ARL10: variants seen among roughly 807,000 people sequenced by gnomAD.
ARL10 encodes ADP-ribosylation factor-like protein 10.
ARL10 carries 23 observed loss-of-function variants against 26.1 expected under a neutral mutation model. The observed-to-expected ratio is 0.88, with a 90% CI of 0.63 to 1.25. The LOEUF is 1.25. Among genes scored for constraint, ARL10 ranks in the 50% most tolerant of loss-of-function variants. ARL10 has a pLI of 0.00. For missense variants in ARL10, 300 were observed against 323.6 expected (o/e 0.93, Z 0.56); for synonymous variants, 138 against 149.1 (o/e 0.93, Z 0.54).
chr5:176,396,555 G>A (rs757062644), intron 1 of ARL10: 2 of 1,596,762 alleles, frequency 1.3e-6, no homozygotes, highest in Admixed American at 3.4e-5. Context: ...GTTGAGGGAA[G>A]GGGTTAGGTG....
At chr5:176,412,963 G>A in the ARL10 span, among the ~76,000 whole-genome samples, 4 of 151,976 alleles carry the variant, frequency 2.6e-5, no homozygotes, top group Non-Finnish European at 4.4e-5. Context: ...ACCCTACTCC[G>A]CCCTGACCAA....
rs889665815 is a variant in ARL10, at chr5:176,379,933, C to T, written c.*8038C>T. On this transcript the variant is annotated 3_prime_UTR_variant, in exon 4 of 4. Transcript: ENST00000310389. ...AGATTAGAGAGTCCTGAATCATAAGCTCTTATGAGGATTCTCAATTTTCCA... is the reference window on the plus strand; with the variant it reads ...AGATTAGAGAGTCCTGAATCATAAGTTCTTATGAGGATTCTCAATTTTCCA... 6.6e-6 allele frequency: 1 copy of T among 152,158 alleles called. No homozygotes were observed. Among genetic ancestry groups the T allele is most frequent in the African/African-American group, 2.4e-5 (1 of 41,426 alleles). 9.4% of individuals were successfully genotyped at this position (152,158 alleles called of 1,614,324 possible).
intron 1 of ARL10, among the ~76,000 whole-genome samples, chr5:176,400,618 A>G (rs1435290630): frequency 3.3e-5 from 5 of 152,114 alleles, no homozygotes; most frequent in African/African-American, 9.7e-5. Context: ...CGCCCTCCGC[A>G]TTCCTGTCTG....
downstream of ARL10, among the ~76,000 whole-genome samples, chr5:176,390,913 G>C (rs1411895427): frequency 1.3e-5 from 2 of 152,186 alleles, no homozygotes; most frequent in East Asian, 3.9e-4. Flanking sequence ...TAGAAGAGAG[G>C]TGACCTGTTA....
chr5:176,376,184 A>T lies in ARL10; in HGVS notation c.*4289A>T, dbSNP rs1439211990. The T allele has an allele frequency of 6.6e-6, 1 of 152,108 alleles. No homozygotes were observed. Among genetic ancestry groups the T allele is most frequent in the Non-Finnish European group, 1.5e-5 (1 of 68,034 alleles). The allele number at this position is 152,108 out of a possible 1,614,324, so 9.4% of individuals were successfully genotyped here. A position where few individuals can be genotyped will look rare whatever the true frequency, so the allele number is the denominator to read the frequency against. ...AGACAATCCTGGCTAACACAGTGAA[A>T]CCCTGTCTCTACTATAAAATACAAA... On this transcript the variant is annotated 3_prime_UTR_variant, in exon 4 of 4. Transcript: ENST00000310389.
chr5:176,400,108 T>C (rs542715747), intron 1 of ARL10, among the ~76,000 whole-genome samples: 105 of 149,608 alleles, frequency 7.0e-4, no homozygotes, highest in Admixed American at 3.4e-3. Context: ...CAAGAATCAC[T>C]TGAATCCGGG....
chr5:176,367,320 T>G (rs971234818), intron 2 of ARL10, among the ~76,000 whole-genome samples: 1 of 152,124 alleles, frequency 6.6e-6, no homozygotes, highest in African/African-American at 2.4e-5. Context: ...TTCTAGTTTT[T>G]TTTTTTTGGA....
At chr5:176,404,606 G>A (rs72807219), downstream of ARL10, among the ~76,000 whole-genome samples, 577 of 152,296 alleles carry the variant, frequency 3.8e-3, 6 homozygotes, top group Non-Finnish European at 5.2e-3. Flanking sequence ...CCCCCACGGT[G>A]TCCTGCCCCA....
At chr5:176,414,069 G>T in the ARL10 span, among the ~76,000 whole-genome samples, 1 of 152,164 alleles carries the variant, frequency 6.6e-6, no homozygotes, top group Admixed American at 6.5e-5. Flanking sequence ...AGCTCCCTCA[G>T]GCATCTGGCT....
chr5:176,393,816 C>T lies in ARL10; in HGVS notation c.134-7925C>T, dbSNP rs1756365711. Among the ~76,000 whole-genome samples the T allele has an allele frequency of 1.3e-5, 2 of 152,192 alleles. No individual in the cohort carries two copies. The highest frequency in any genetic ancestry group is 2.4e-5 in the African/African-American group (1 of 41,446). On this transcript the variant is annotated intron_variant, in intron 1 of 1. Transcript: ENST00000514533. This position sits in a 1 kb window ranked among gnomAD's most constrained non-coding sequence, Gnocchi z 4.4. ...AATACAGTCTAGTGGACAAAATCTA[C>T]ACGTGGGACTCACTAACAGAAAGAC...
chr5:176,412,045 A>AGGG, the ARL10 span, among the ~76,000 whole-genome samples: 1 of 151,892 alleles, frequency 6.6e-6, no homozygotes, highest in Non-Finnish European at 1.5e-5. Context: ...GCGTGGTGGC[A>AGGG]GGCGCCTGTA....
chr5:176,404,415 C>T (rs1756996972), downstream of ARL10, among the ~76,000 whole-genome samples: 2 of 152,232 alleles, frequency 1.3e-5, no homozygotes, highest in Admixed American at 6.5e-5. Context: ...TTTGGGGCAG[C>T]GGAGCGGAGC....
intron 1 of ARL10, among the ~76,000 whole-genome samples, chr5:176,395,903 G>A (rs1208772189): frequency 6.6e-6 from 1 of 152,210 alleles, no homozygotes; most frequent in African/African-American, 2.4e-5. Context: ...GGGAGGCCGA[G>A]GTGGGTGGAT....
chr5:176,375,386 G>A lies in ARL10; in HGVS notation c.*3491G>A, dbSNP rs998049176. On this transcript the variant is annotated 3_prime_UTR_variant, in exon 4 of 4. Transcript: ENST00000310389. ...ATCCATCTGTGGCTTCTACCTGTGCGAATCTCTGTGCTACAAAATTCTTTT... is the reference window on the plus strand; with the variant it reads ...ATCCATCTGTGGCTTCTACCTGTGCAAATCTCTGTGCTACAAAATTCTTTT... The A allele has an allele frequency of 3.3e-5, 5 of 150,840 alleles. No homozygotes were observed. Among genetic ancestry groups the A allele is most frequent in the African/African-American group, 4.9e-5 (2 of 40,858 alleles). The allele number at this position is 150,840 out of a possible 1,614,324, so 9.3% of individuals were successfully genotyped here.
chr5:176,371,226 T>C lies in ARL10; in HGVS notation c.562-496T>C, dbSNP rs1034696430. 6.6e-5 allele frequency among the ~76,000 whole-genome samples: 10 copies of C among 151,914 alleles called. No individual in the cohort carries two copies. In the East Asian group the frequency reaches 7.8e-4, roughly 12 times the overall value. ...CCCGTCTCTACTAAAAATACAAAAA[T>C]TAGCCAGGCGTGGTGGCTCACACCT... On this transcript the variant is annotated intron_variant, in intron 3 of 3. Transcript: ENST00000310389.
chr5:176,412,890 G>A, the ARL10 span, among the ~76,000 whole-genome samples: 2 of 152,112 alleles, frequency 1.3e-5, no homozygotes, highest in Non-Finnish European at 2.9e-5. Flanking sequence ...AGGGCCTCAC[G>A]TTACCAGGGT....
intron 1 of ARL10, among the ~76,000 whole-genome samples, chr5:176,395,716 G>T (rs986945255): frequency 6.6e-6 from 1 of 152,200 alleles, no homozygotes; most frequent in African/African-American, 2.4e-5. Flanking sequence ...GTGGTGGTCT[G>T]GGCAGGGGCT....
downstream of ARL10, chr5:176,406,846 G>T: frequency 1.8e-6 from 1 of 561,404 alleles, no homozygotes; most frequent in Non-Finnish European, 2.6e-6. Context: ...AAGAGCTGGG[G>T]CTTTCCACCT....
intron 1 of ARL10, chr5:176,397,608 G>T (rs765062245): frequency 1.4e-6 from 2 of 1,429,958 alleles, no homozygotes; most frequent in Non-Finnish European, 9.4e-7. Flanking sequence ...CCCTCTCACC[G>T]GTTGTTGATC....
Sources: gnomAD v4.1 joint callset for allele counts (sites outside exome capture counted in the v4.1 genomes callset) on GRCh38, gnomAD v4.1.1 for gene constraint, Gnocchi (gnomAD v3.1) non-coding constraint, MANE v1.5 for transcripts, NCBI Gene and HGNC (gene_info 2026-07-23, HGNC 2026-07-21) for gene names.